Variants in PTPRT observed in about 807,000 individuals in gnomAD.
The protein encoded by PTPRT is protein tyrosine phosphatase receptor type T, also known as receptor-type tyrosine-protein phosphatase T.
Under a neutral mutation model 176.8 loss-of-function variants are expected in PTPRT, and 56 were observed. The observed-to-expected ratio is 0.32, with a 90% confidence interval of 0.26 to 0.40. The LOEUF is 0.40. PTPRT is among the 10% of genes least tolerant of loss of function. The pLI is 1.00. For synonymous variants in PTPRT, 783 were observed against 739.0 expected, an observed-to-expected ratio of 1.06 and a Z score of -0.96; for missense variants, 1,540 against 1,908.2, an observed-to-expected ratio of 0.81 and a Z score of 3.60.
At chr20:42,615,093 C>T (rs867116008) in intron 7 of PTPRT, among the ~76,000 whole-genome samples, 2 of 100,626 alleles carry the variant, frequency 2.0e-5, no homozygotes, top group Non-Finnish European at 3.9e-5. Flanking sequence ...CCCCTCCCCC[C>T]ACCCCACCAC....
At chr20:43,028,253 A>C (rs1353364984) in intron 1 of PTPRT, among the ~76,000 whole-genome samples, 1 of 152,126 alleles carries the variant, frequency 6.6e-6, no homozygotes, top group African/African-American at 2.4e-5. Context: ...AGATACTGCA[A>C]GACATGGAGA....
intron 1 of PTPRT, among the ~76,000 whole-genome samples, chr20:43,154,885 A>G (rs577344908): frequency 5.8e-4 from 88 of 152,328 alleles, no homozygotes; most frequent in Admixed American, 1.2e-3. Context: ...AAAATGAGCA[A>G]AAGACTCGAA....
intron 9 of PTPRT, among the ~76,000 whole-genome samples, chr20:42,440,560 A>C (rs6102836): frequency 5.3e-5 from 8 of 150,218 alleles, no homozygotes; most frequent in African/African-American, 2.0e-4. Flanking sequence ...TCACTGCAAG[A>C]TCCGCCTCCC....
chr20:42,562,436 C>T (rs1385435802), intron 7 of PTPRT, among the ~76,000 whole-genome samples: 1 of 152,170 alleles, frequency 6.6e-6, no homozygotes. Context: ...TACAGATAGC[C>T]AGTCCCTTTC....
At chr20:43,073,251 G>A (rs116625653) in intron 1 of PTPRT, among the ~76,000 whole-genome samples, 2 of 152,136 alleles carry the variant, frequency 1.3e-5, no homozygotes, top group African/African-American at 4.8e-5. Flanking sequence ...TACAATGGAT[G>A]TATTACATTG....
intron 9 of PTPRT, among the ~76,000 whole-genome samples, chr20:42,441,818 T>A (rs1482296731): frequency 6.6e-6 from 1 of 152,212 alleles, no homozygotes; most frequent in Non-Finnish European, 1.5e-5. Flanking sequence ...AAGAGCTTTT[T>A]TCCTTGTTAC....
At chr20:42,434,790 C>A (rs571457074) in intron 9 of PTPRT, among the ~76,000 whole-genome samples, 6 of 141,524 alleles carry the variant, frequency 4.2e-5, no homozygotes, top group African/African-American at 1.0e-4. Flanking sequence ...GGTGAAACCC[C>A]GTCTCTATTA....
intron 1 of PTPRT, among the ~76,000 whole-genome samples, chr20:42,975,946 C>T (rs1666706901): frequency 6.6e-6 from 1 of 150,772 alleles, no homozygotes; most frequent in African/African-American, 2.5e-5. Context: ...AAAGAGAGAA[C>T]ATCTTAGATA....
chr20:42,105,878 C>G (rs1476169625), intron 24 of PTPRT, among the ~76,000 whole-genome samples: 1 of 152,198 alleles, frequency 6.6e-6, no homozygotes, highest in Non-Finnish European at 1.5e-5. Flanking sequence ...AGTTCCCTAT[C>G]TGTCCCAGCT....
chr20:42,918,427 ACT>A (rs1288579332), intron 1 of PTPRT, among the ~76,000 whole-genome samples: 2 of 152,110 alleles, frequency 1.3e-5, no homozygotes, highest in East Asian at 3.9e-4. Flanking sequence ...GATTAGCTGC[ACT>A]GTTTGTCTAC....
At position 43,010,222 on chromosome 20, in the gene PTPRT, G is replaced by A. The variant is rs539953451; in HGVS notation, c.89-124290C>T. On this transcript the variant is annotated intron_variant, in intron 1 of 30. Coordinates refer to ENST00000373187, the MANE Select transcript of PTPRT (RefSeq NM_007050.6). Reference sequence around the variant, plus strand: ...TCCCCATCCCCCCAATCATCAGCCTGTCTTCCATTATCAAGTCACTTCCTG... The same window carrying A: ...TCCCCATCCCCCCAATCATCAGCCTATCTTCCATTATCAAGTCACTTCCTG... Among the ~76,000 whole-genome samples, 7 of 152,174 alleles carry A rather than the reference G, an allele frequency of 4.6e-5. No homozygotes were observed. In the East Asian group the frequency reaches 1.4e-3, roughly 29 times the overall value.
At chr20:42,380,855 T>C (rs1052116669) in intron 9 of PTPRT, among the ~76,000 whole-genome samples, 3 of 152,170 alleles carry the variant, frequency 2.0e-5, no homozygotes, top group Non-Finnish European at 4.4e-5. Context: ...GGGTAATTGA[T>C]AAAGAAAGAG....
At chr20:42,353,148 G>A (rs1020523346) in intron 9 of PTPRT, among the ~76,000 whole-genome samples, 31 of 152,136 alleles carry the variant, frequency 2.0e-4, no homozygotes, top group African/African-American at 5.6e-4. Context: ...CAGTAGCCCC[G>A]TGAGGCCAGT....
intron 7 of PTPRT, among the ~76,000 whole-genome samples, chr20:42,673,920 C>T (rs755211739): frequency 7.2e-5 from 11 of 152,182 alleles, no homozygotes; most frequent in Admixed American, 5.2e-4. Context: ...TATTTCAATG[C>T]TTGCCTTTAT....
chr20:42,299,641 CTTTTTT>C (rs34045854), intron 12 of PTPRT, among the ~76,000 whole-genome samples: 2 of 85,994 alleles, frequency 2.3e-5, no homozygotes, highest in Admixed American at 1.5e-4. Flanking sequence ...GAACTTTTGC[CTTTTTT>C]TTTTTTTTTT....
At chr20:42,270,547 C>T in intron 13 of PTPRT, 1 of 1,102,240 alleles carries the variant, frequency 9.1e-7, no homozygotes, top group South Asian at 1.4e-5. Context: ...AACAAAACTG[C>T]AATTCTTGTG....
chr20:42,804,229 C>A (rs2077572142), intron 2 of PTPRT, among the ~76,000 whole-genome samples: 1 of 152,158 alleles, frequency 6.6e-6, no homozygotes, highest in Non-Finnish European at 1.5e-5. Flanking sequence ...CTCTCAGCTG[C>A]AAAGCTAGTT....
chr20:42,453,603 T>TTAAA (rs986096856), intron 8 of PTPRT, among the ~76,000 whole-genome samples: 5 of 151,736 alleles, frequency 3.3e-5, no homozygotes, highest in African/African-American at 7.2e-5. Flanking sequence ...TTCTCCATCG[T>TTAAA]TAAATAAATA....
intron 6 of PTPRT, among the ~76,000 whole-genome samples, chr20:42,686,794 T>C (rs1013298853): frequency 2.0e-5 from 3 of 152,082 alleles, no homozygotes; most frequent in Non-Finnish European, 2.9e-5. Context: ...GCTCAGCCCA[T>C]AGTGCACTCT....
Sources: gnomAD v4.1 joint callset for allele counts (sites outside exome capture counted in the v4.1 genomes callset) on GRCh38, gnomAD v4.1.1 for gene constraint, MANE v1.5 for transcripts, NCBI Gene and HGNC (gene_info 2026-07-23, HGNC 2026-07-21) for gene names.